TXNDC11: variants seen among roughly 807,000 people sequenced by gnomAD.
TXNDC11 encodes thioredoxin domain-containing protein 11.
TXNDC11 carries 68 observed loss-of-function variants against 78.0 expected under a neutral mutation model. That is an observed-to-expected ratio of 0.87 (90% CI 0.72 to 1.07). TXNDC11 has a LOEUF of 1.07. Ranked by LOEUF, TXNDC11 falls within the 50% of genes least tolerant of loss-of-function variation. The probability of loss-of-function intolerance (pLI) is 0.00; values close to 1 mark genes in which losing one functional copy is unlikely to be tolerated. For synonymous variants in TXNDC11, 571 were observed against 495.2 expected (o/e 1.15, Z -2.03); for missense variants, 1,389 against 1,221.8 (o/e 1.14, Z -2.04).
At chr16:11,731,474 C>G (rs554117753) in intron 3 of TXNDC11, among the ~76,000 whole-genome samples, 1 of 152,294 alleles carries the variant, frequency 6.6e-6, no homozygotes, top group South Asian at 2.1e-4. Context: ...TCACGTGCCT[C>G]TCTTCAGTCT....
At chr16:11,693,772 T>C (rs548625529) in intron 7 of TXNDC11, among the ~76,000 whole-genome samples, 36 of 152,334 alleles carry the variant, frequency 2.4e-4, no homozygotes, top group Non-Finnish European at 4.1e-4. Context: ...GATGAGGCTC[T>C]GACAGCATGC....
chr16:11,688,519 A>G (rs1261816376), intron 8 of TXNDC11, 74 bp from the exon 9 acceptor site: 1 of 1,275,150 alleles, frequency 7.8e-7, no homozygotes, highest in Non-Finnish European at 1.1e-6. Flanking sequence ...TTTAAACTCC[A>G]CATTTTAAAA....
chr16:11,716,482 G>C (rs2051530264), intron 5 of TXNDC11, among the ~76,000 whole-genome samples: 1 of 152,174 alleles, frequency 6.6e-6, no homozygotes, highest in Admixed American at 6.5e-5. Context: ...TCCTGGAGGA[G>C]TAAAGTACAA....
Position 11,734,095 on chromosome 16 carries a change from A to C in TXNDC11, c.472-16T>G. 16 of 1,550,020 alleles carry C rather than the reference A, an allele frequency of 1.0e-5. No homozygotes were observed. Among genetic ancestry groups the C allele is most frequent in the Non-Finnish European group, 1.2e-5 (14 of 1,143,406 alleles). ...CAAACAACACCTGCAGAGCCAAAAA[A>C]GGTTTTCAAATGACTATGAATAACA... On this transcript the variant is annotated splice_polypyrimidine_tract_variant and intron_variant, in intron 2 of 11. Coordinates refer to ENST00000283033, the MANE Select transcript of TXNDC11 (RefSeq NM_015914.7).
chr16:11,706,896 C>T (rs2051196347), intron 5 of TXNDC11, among the ~76,000 whole-genome samples: 1 of 152,180 alleles, frequency 6.6e-6, no homozygotes, highest in Non-Finnish European at 1.5e-5. Flanking sequence ...GGTCCACTTA[C>T]ATGCATATTT....
intron 11 of TXNDC11, among the ~76,000 whole-genome samples, chr16:11,680,411 A>G (rs1468959278): frequency 6.6e-6 from 1 of 152,242 alleles, no homozygotes; most frequent in Non-Finnish European, 1.5e-5. Flanking sequence ...TGGCAACCTG[A>G]TAACTGGCAA....
chr16:11,684,373 G>A (rs1037619619), intron 10 of TXNDC11, 128 bp from the exon 11 acceptor site: 9 of 635,594 alleles, frequency 1.4e-5, no homozygotes, highest in Non-Finnish European at 2.5e-5. Context: ...GTCCCTTCTC[G>A]ATGAATGTAC....
intron 2 of TXNDC11, among the ~76,000 whole-genome samples, chr16:11,734,385 A>AT (rs1283182021): frequency 6.6e-6 from 1 of 152,222 alleles, no homozygotes; most frequent in Non-Finnish European, 1.5e-5. Context: ...AGTACATGGA[A>AT]TAGTAAGCTC....
chr16:11,688,638 C>T (rs2050629786), intron 8 of TXNDC11, 193 bp from the exon 9 acceptor site: 3 of 502,122 alleles, frequency 6.0e-6, no homozygotes, highest in Non-Finnish European at 1.1e-5. Flanking sequence ...ATTAACTCAG[C>T]AGACAGTAAT....
chr16:11,738,629 T>C (rs2052297956), intron 1 of TXNDC11, among the ~76,000 whole-genome samples: 1 of 145,932 alleles, frequency 6.9e-6, no homozygotes, highest in Admixed American at 6.8e-5. Context: ...GACAAGAAGA[T>C]AGCCACCTAA....
intron 1 of TXNDC11, among the ~76,000 whole-genome samples, chr16:11,738,284 T>C (rs1336706012): frequency 6.6e-6 from 1 of 152,206 alleles, no homozygotes; most frequent in South Asian, 2.1e-4. Context: ...AAACTAATAT[T>C]TTAACCTTCA....
chr16:11,691,828 C>G lies in TXNDC11; in HGVS notation c.1362G>C (p.Lys454Asn), dbSNP rs766556383. 1 of 1,614,274 alleles carries G rather than the reference C, an allele frequency of 6.2e-7. No homozygotes were observed. The highest frequency in any genetic ancestry group is 8.5e-7 in the Non-Finnish European group (1 of 1,180,046). ...ACTGTGGCACGCTGACCGAGCTCGG[C>G]TTCATGCCCCCGGAGGTCTGGTTGA... Reference protein sequence around the residue: ...LCVNQTSGGMKPSSVSVPQCS... With the variant: ...LCVNQTSGGMNPSSVSVPQCS... The change falls in exon 8 of 12, where the codon AAG (lysine) becomes AAC (asparagine). Residue 454 changes from lysine (K) to asparagine (N), a missense_variant. Transcript: ENST00000283033.
intron 4 of TXNDC11, among the ~76,000 whole-genome samples, chr16:11,727,070 A>C (rs1039309585): frequency 2.6e-5 from 4 of 152,210 alleles, no homozygotes; most frequent in Non-Finnish European, 4.4e-5. Flanking sequence ...AGTTTATGTC[A>C]ATAGAGAATA....
At chr16:11,692,529 GA>G (rs920061482) in intron 7 of TXNDC11, among the ~76,000 whole-genome samples, 9 of 150,066 alleles carry the variant, frequency 6.0e-5, no homozygotes, top group African/African-American at 1.5e-4. Context: ...TCTCAATAAG[GA>G]AAAAAAAAGA....
chr16:11,679,318 T>G lies in TXNDC11; in HGVS notation c.2754A>C (p.Arg918Ser). The change falls in exon 12 of 12, where the codon AGA becomes AGC. Residue 918 changes from arginine (R) to serine (S), a missense_variant. By Grantham distance (110) the Arg-to-Ser change is moderately radical. Coordinates refer to ENST00000283033, the MANE Select transcript of TXNDC11 (RefSeq NM_015914.7). The surrounding 1 kb of genome is among the most constrained non-coding windows in gnomAD (Gnocchi z 4.6). ...RDGAESLAAQREVHPKQPEPS... is the reference protein window; with the variant it reads ...RDGAESLAAQSEVHPKQPEPS... ...GCTCAGGCTGCTTGGGGTGGACCTC[T>G]CTCTGGGCCGCCAGGCTTTCAGCTC... 6.2e-7 allele frequency: 1 copy of G among 1,612,588 alleles called. No homozygotes were observed. Among genetic ancestry groups the G allele is most frequent in the East Asian group, 2.2e-5 (1 of 44,868 alleles).
intron 5 of TXNDC11, among the ~76,000 whole-genome samples, chr16:11,720,492 T>C (rs1359639505): frequency 6.7e-6 from 1 of 149,500 alleles, no homozygotes; most frequent in Non-Finnish European, 1.5e-5. Context: ...CTTGGCTCAC[T>C]GCAACCTCCG....
rs2052452520 is a variant in TXNDC11, at chr16:11,742,830, G to T, written c.-100C>A. 2 of 1,357,928 alleles carry T rather than the reference G, an allele frequency of 1.5e-6. No individual in the cohort carries two copies. The highest frequency in any genetic ancestry group is 1.9e-6 in the Non-Finnish European group (2 of 1,060,252). The allele number at this position is 1,357,928 out of a possible 1,614,324, so 84.1% of individuals were successfully genotyped here. A position where few individuals can be genotyped will look rare whatever the true frequency, so the allele number is the denominator to read the frequency against. ...CCCAATCCCGCAGCTCGCCGCACCCGCTAACCCGGACGCTCCACGTCAGCC... is the reference window on the plus strand; with the variant it reads ...CCCAATCCCGCAGCTCGCCGCACCCTCTAACCCGGACGCTCCACGTCAGCC... On this transcript the variant is annotated 5_prime_UTR_variant, in exon 1 of 12. Coordinates refer to ENST00000283033, the MANE Select transcript of TXNDC11 (RefSeq NM_015914.7).
chr16:11,686,683 C>T (rs1389744386), intron 10 of TXNDC11, among the ~76,000 whole-genome samples: 1 of 152,186 alleles, frequency 6.6e-6, no homozygotes, highest in Non-Finnish European at 1.5e-5. Context: ...TTTTAATTTA[C>T]ATTTATTAGG....
intron 8 of TXNDC11, among the ~76,000 whole-genome samples, chr16:11,690,576 G>A (rs1388731631): frequency 4.6e-5 from 7 of 152,066 alleles, no homozygotes; most frequent in Admixed American, 3.9e-4. Context: ...TTTTGGAGAC[G>A]GAGTCTTGCT....
Sources: gnomAD v4.1 joint callset for allele counts (sites outside exome capture counted in the v4.1 genomes callset) on GRCh38, gnomAD v4.1.1 for gene constraint, Gnocchi (gnomAD v3.1) non-coding constraint, MANE v1.5 for transcripts, NCBI Gene and HGNC (gene_info 2026-07-23, HGNC 2026-07-21) for gene names.